FRMD5: variants seen among roughly 807,000 people sequenced by gnomAD.
FRMD5 encodes FERM domain containing 5.
In FRMD5, 20 loss-of-function variants were observed where a neutral mutation model predicts 69.0. That is an observed-to-expected ratio of 0.29 (90% confidence interval 0.20 to 0.42). FRMD5 has a LOEUF of 0.42. FRMD5 is among the 10% of genes least tolerant of loss of function. The pLI is 1.00. For synonymous variants in FRMD5, 271 were observed against 260.1 expected (o/e 1.04, Z -0.40); for missense variants, 595 against 708.6 (o/e 0.84, Z 1.82).
At chr15:44,078,698 A>C (rs1033535396) in intron 1 of FRMD5, among the ~76,000 whole-genome samples, 5 of 152,174 alleles carry the variant, frequency 3.3e-5, no homozygotes, top group Non-Finnish European at 7.4e-5. Context: ...GGGTAAAGGA[A>C]GTCTTTTCAA....
intron 1 of FRMD5, among the ~76,000 whole-genome samples, chr15:43,963,930 T>G (rs1219544207): frequency 6.6e-6 from 1 of 152,046 alleles, no homozygotes; most frequent in Non-Finnish European, 1.5e-5. Context: ...GGCGGAGGGA[T>G]AGCATTAGGT....
At chr15:43,991,800 T>C (rs936340864) in intron 1 of FRMD5, among the ~76,000 whole-genome samples, 2 of 152,222 alleles carry the variant, frequency 1.3e-5, no homozygotes, top group African/African-American at 2.4e-5. Context: ...ATTTACGTAT[T>C]AGCTCTGCTA....
At chr15:44,027,640 T>A (rs1416269845) in intron 1 of FRMD5, among the ~76,000 whole-genome samples, 1 of 27,024 alleles carries the variant, frequency 3.7e-5, no homozygotes, top group Non-Finnish European at 1.4e-4. Context: ...TCTTTTCTAG[T>A]TTTTTTTTTT....
intron 1 of FRMD5, among the ~76,000 whole-genome samples, chr15:44,096,032 C>T (rs952175269): frequency 6.6e-6 from 1 of 151,820 alleles, no homozygotes; most frequent in Non-Finnish European, 1.5e-5. Flanking sequence ...CATGGAGAAA[C>T]CCCATCTCTC....
intron 1 of FRMD5, among the ~76,000 whole-genome samples, chr15:44,143,096 A>AAAAAAAG (rs1311855524): frequency 6.6e-6 from 1 of 152,170 alleles, no homozygotes; most frequent in African/African-American, 2.4e-5. Context: ...CGTCTCAAAA[A>AAAAAAAG]AAAAAAGAAA....
Position 43,892,287 on chromosome 15 carries a change from T to C in FRMD5, c.640-218A>G, listed in dbSNP as rs138278017. Among the ~76,000 whole-genome samples, 7 of 152,362 alleles carry C rather than the reference T, an allele frequency of 4.6e-5. No individual in the cohort carries two copies. In the East Asian group the frequency reaches 1.3e-3, roughly 29 times the overall value. On this transcript the variant is annotated intron_variant, in intron 7 of 13. Transcript: ENST00000417257. ...AGTTACTTGCTGAGCCTCAGTGTCC[T>C]GATCTGTAAGTTGTAGGTTATAATG...
chr15:43,999,608 A>C (rs1362936687), intron 1 of FRMD5, among the ~76,000 whole-genome samples: 1 of 151,506 alleles, frequency 6.6e-6, no homozygotes, highest in Admixed American at 6.6e-5. Flanking sequence ...CCCACACCTG[A>C]CTCCTGGTAA....
chr15:43,888,053 GT>G, intron 10 of FRMD5, 121 bp downstream of exon 10: 1 of 688,882 alleles, frequency 1.5e-6, no homozygotes, highest in South Asian at 1.9e-5. Flanking sequence ...CTCAGTAACT[GT>G]CAAGCTCTTG....
intron 1 of FRMD5, among the ~76,000 whole-genome samples, chr15:44,003,249 C>T (rs181866983): frequency 1.3e-5 from 2 of 152,306 alleles, no homozygotes; most frequent in East Asian, 3.9e-4. Flanking sequence ...TATCAATCAC[C>T]CTGGTCCAAG....
intron 1 of FRMD5, among the ~76,000 whole-genome samples, chr15:44,018,895 T>A (rs1436540675): frequency 6.6e-6 from 1 of 151,738 alleles, no homozygotes; most frequent in Non-Finnish European, 1.5e-5. Context: ...TATACATTTC[T>A]TTTCTTTTCT....
At chr15:43,952,957 T>C (rs897583890) in intron 1 of FRMD5, among the ~76,000 whole-genome samples, 2 of 152,208 alleles carry the variant, frequency 1.3e-5, no homozygotes, top group Admixed American at 6.5e-5. Flanking sequence ...TTATCTAAAT[T>C]AGGAAGATAG....
chr15:43,980,629 T>C (rs1252682950), intron 1 of FRMD5, among the ~76,000 whole-genome samples: 1 of 152,228 alleles, frequency 6.6e-6, no homozygotes, highest in African/African-American at 2.4e-5. Context: ...AATTGAAAGA[T>C]ATGAAACTGA....
chr15:43,944,955 ATTT>A (rs1456244772), intron 1 of FRMD5, among the ~76,000 whole-genome samples: 1 of 138,948 alleles, frequency 7.2e-6, no homozygotes, highest in Non-Finnish European at 1.6e-5. Flanking sequence ...TTATTTATTT[ATTT>A]TTTTTTTTTT....
intron 1 of FRMD5, among the ~76,000 whole-genome samples, chr15:44,020,922 G>C (rs1356733824): frequency 6.6e-6 from 1 of 152,140 alleles, no homozygotes; most frequent in Non-Finnish European, 1.5e-5. Context: ...CCATCATTTA[G>C]ATATAATAGA....
At chr15:43,905,135 C>CTTTTTT (rs746667752) in intron 6 of FRMD5, among the ~76,000 whole-genome samples, 1 of 137,270 alleles carries the variant, frequency 7.3e-6, no homozygotes, top group African/African-American at 2.8e-5. Context: ...TCAACCTCTC[C>CTTTTTT]TTTTTTTTTT....
At chr15:44,101,935 C>G (rs1364248968) in intron 1 of FRMD5, among the ~76,000 whole-genome samples, 1 of 152,174 alleles carries the variant, frequency 6.6e-6, no homozygotes, top group African/African-American at 2.4e-5. Flanking sequence ...CTACCAAAGT[C>G]TAGAAACTCT....
At chr15:44,175,254 C>T (rs1339090512) in intron 1 of FRMD5, among the ~76,000 whole-genome samples, 1 of 151,994 alleles carries the variant, frequency 6.6e-6, no homozygotes, top group Non-Finnish European at 1.5e-5. Context: ...TCCCCAAATC[C>T]CCACCTCAGA....
chr15:43,956,482 T>C lies in FRMD5; in HGVS notation c.103-32173A>G, dbSNP rs371390545. Among the ~76,000 whole-genome samples, 3 of 152,294 alleles carry C rather than the reference T, an allele frequency of 2.0e-5. No individual in the cohort carries two copies. In the East Asian group the frequency reaches 5.8e-4, roughly 29 times the overall value. ...AAAATCAAATTGATTAAAATACACA[T>C]GATGTGAGACGACTTTTTTTTTGCT... On this transcript the variant is annotated intron_variant, in intron 1 of 13. Transcript: ENST00000417257.
intron 1 of FRMD5, among the ~76,000 whole-genome samples, chr15:44,126,815 T>C (rs998955738): frequency 6.6e-6 from 1 of 152,092 alleles, no homozygotes; most frequent in African/African-American, 2.4e-5. Flanking sequence ...CTAAATAACT[T>C]TGGAAATTAG....
Sources: gnomAD v4.1 joint callset for allele counts (sites outside exome capture counted in the v4.1 genomes callset) on GRCh38, gnomAD v4.1.1 for gene constraint, MANE v1.5 for transcripts, NCBI Gene and HGNC (gene_info 2026-07-23, HGNC 2026-07-21) for gene names.